MYRFL: variants seen among roughly 807,000 people sequenced by gnomAD.
MYRFL encodes myelin regulatory factor like, also known as myelin regulatory factor-like protein.
In MYRFL, 88 loss-of-function variants were observed where a neutral mutation model predicts 109.4. That is an observed-to-expected ratio of 0.80 (90% confidence interval 0.68 to 0.96). The LOEUF is 0.96. MYRFL is among the 40% of genes least tolerant of loss of function. The probability of loss-of-function intolerance (pLI) is 0.00; values close to 1 mark genes in which losing one functional copy is unlikely to be tolerated. For synonymous variants in MYRFL, 324 were observed against 320.9 expected, an observed-to-expected ratio of 1.01 and a Z score of -0.10; for missense variants, 957 against 954.9, an observed-to-expected ratio of 1.00 and a Z score of -0.03.
At chr12:69,839,782 T>G (rs1031761133) in intron 1 of MYRFL, among the ~76,000 whole-genome samples, 1 of 152,208 alleles carries the variant, frequency 6.6e-6, no homozygotes, top group African/African-American at 2.4e-5. Context: ...ATCAATCTTC[T>G]CCATTGACTG....
chr12:69,849,268 G>A (rs1171835542), intron 1 of MYRFL, among the ~76,000 whole-genome samples: 1 of 152,208 alleles, frequency 6.6e-6, no homozygotes, highest in Non-Finnish European at 1.5e-5. Context: ...CATTGGAATT[G>A]ATGTTGAATG....
rs1423825564 is a variant in MYRFL at position 69,939,143 on chromosome 12, T to G, written c.2224+2511T>G. Among the ~76,000 whole-genome samples the G allele has an allele frequency of 5.9e-5, 9 of 152,288 alleles. No homozygotes were observed. In the South Asian group the frequency reaches 1.9e-3, roughly 32 times the overall value. ...GGCGCCCACCATTGCCCAGGCTTGC[T>G]TAGGTAAACAAAGCAACCAGGAAGC... is the stretch of plus-strand genomic sequence containing the variant. On this transcript the variant is annotated intron_variant, in intron 19 of 24. Transcript: ENST00000552032.
chr12:69,951,910 A>C (rs1454872310), intron 19 of MYRFL, among the ~76,000 whole-genome samples: 1 of 152,234 alleles, frequency 6.6e-6, no homozygotes, highest in East Asian at 1.9e-4. Context: ...GACCCAATTT[A>C]GTCCATAACA....
At chr12:69,857,287 A>G (rs562962071) in intron 2 of MYRFL, among the ~76,000 whole-genome samples, 1 of 152,024 alleles carries the variant, frequency 6.6e-6, no homozygotes, top group Non-Finnish European at 1.5e-5. Flanking sequence ...TTATTACTGT[A>G]CACAGGCACT....
At chr12:69,858,360 C>T (rs957663519) in intron 2 of MYRFL, among the ~76,000 whole-genome samples, 1 of 151,836 alleles carries the variant, frequency 6.6e-6, no homozygotes, top group Non-Finnish European at 1.5e-5. Flanking sequence ...CAACTATACC[C>T]TTCTAAAATT....
intron 2 of MYRFL, among the ~76,000 whole-genome samples, chr12:69,863,649 A>T (rs1884835150): frequency 6.6e-6 from 1 of 152,212 alleles, no homozygotes; most frequent in African/African-American, 2.4e-5. Flanking sequence ...ACAATGCTAT[A>T]ATCTTTGGTT....
Position 69,854,999 on chromosome 12 carries a change from T to C in MYRFL, c.47-281T>C, listed in dbSNP as rs185183818. ...AAACAAGGAAAAGGACAGAACTATT[T>C]TGCTACCTTTTGGCAGGTCTAAAGA... On this transcript the variant is annotated intron_variant, in intron 1 of 24. Transcript: ENST00000552032. Among the ~76,000 whole-genome samples the C allele has an allele frequency of 1.5e-4, 23 of 152,334 alleles. No individual in the cohort carries two copies. In the East Asian group the frequency reaches 3.5e-3, roughly 23 times the overall value.
chr12:69,945,778 G>C (rs892313975), intron 19 of MYRFL, among the ~76,000 whole-genome samples: 1 of 151,464 alleles, frequency 6.6e-6, no homozygotes, highest in African/African-American at 2.4e-5. Context: ...ACGAGGTCAG[G>C]AGATCGAGAC....
intron 15 of MYRFL, among the ~76,000 whole-genome samples, chr12:69,931,252 T>C (rs1955261585): frequency 6.6e-6 from 1 of 152,112 alleles, no homozygotes; most frequent in African/African-American, 2.4e-5. Context: ...CTAATCCTAT[T>C]TAATTCCAGT....
At chr12:69,899,278 A>C (rs1277584078) in intron 10 of MYRFL, among the ~76,000 whole-genome samples, 2 of 152,242 alleles carry the variant, frequency 1.3e-5, no homozygotes, top group Non-Finnish European at 2.9e-5. Context: ...CAGAAGTGAA[A>C]ATGAATGCAG....
chr12:69,949,481 A>G (rs1310542687), intron 19 of MYRFL, among the ~76,000 whole-genome samples: 1 of 152,114 alleles, frequency 6.6e-6, no homozygotes, highest in Admixed American at 6.5e-5. Context: ...CTGGCCCCAC[A>G]CCAGCAGCCT....
chr12:69,917,362 A>G (rs967957350), intron 13 of MYRFL, among the ~76,000 whole-genome samples: 3 of 144,814 alleles, frequency 2.1e-5, no homozygotes, highest in African/African-American at 7.7e-5. Context: ...CCTAACTGAA[A>G]TCATCTTGTT....
rs1418175004 is a variant in MYRFL, at chr12:69,933,808, C to T, written c.1916+1210C>T. On this transcript the variant is annotated intron_variant, in intron 16 of 24. Coordinates refer to ENST00000552032, the MANE Select transcript of MYRFL (RefSeq NM_182530.3). ...TCTCTAGAGACACAGATTCCCAGCC[C>T]GGTGGAAAAGTTATAAGAAGTCTAA... is the stretch of plus-strand genomic sequence containing the variant. Among the ~76,000 whole-genome samples, 8 of 151,620 alleles carry T rather than the reference C, an allele frequency of 5.3e-5. 1 individual carries two copies. The highest frequency in any genetic ancestry group is 3.9e-4 in the Admixed American group (6 of 15,204).
At chr12:69,926,861 C>T (rs1051943985) in intron 14 of MYRFL, 127 bp downstream of exon 14, 10 of 804,528 alleles carry the variant, frequency 1.2e-5, no homozygotes, top group African/African-American at 1.8e-5. Context: ...ATGAAGTCTG[C>T]ATTTTTCTTT....
intron 2 of MYRFL, 25 bp from the exon 3 acceptor site, chr12:69,879,003 C>G: frequency 1.4e-6 from 1 of 702,784 alleles, no homozygotes; most frequent in Non-Finnish European, 2.6e-6. Flanking sequence ...GAAACAAAAA[C>G]GCAATGTATG....
At chr12:69,924,203 A>G (rs1392005988) in intron 13 of MYRFL, among the ~76,000 whole-genome samples, 2 of 151,994 alleles carry the variant, frequency 1.3e-5, no homozygotes, top group Non-Finnish European at 2.9e-5. Context: ...AAAAAAAAAA[A>G]AAAAAAAAAA....
intron 13 of MYRFL, among the ~76,000 whole-genome samples, chr12:69,920,064 G>C (rs1285413798): frequency 6.6e-6 from 1 of 152,170 alleles, no homozygotes; most frequent in African/African-American, 2.4e-5. Flanking sequence ...GGACCCAGGA[G>C]CTTCCAAGCT....
chr12:69,848,515 G>A (rs552456732), intron 1 of MYRFL, among the ~76,000 whole-genome samples: 6 of 151,886 alleles, frequency 4.0e-5, no homozygotes, highest in Admixed American at 6.5e-5. Context: ...TATTATAAAT[G>A]GATCTTTCTG....
rs745396891 is a variant in MYRFL at position 69,952,130 on chromosome 12, G to A, written c.2242G>A (p.Val748Ile). The change falls in exon 20 of 25, where the codon GTT becomes ATT. Residue 748 changes from valine (V) to isoleucine (I), a missense_variant. Coordinates refer to ENST00000552032, the MANE Select transcript of MYRFL (RefSeq NM_182530.3). ...RRWSEDKSKS[V>I]LARNALSGPD... ...CTTTTCAGAAGACAAAAGCAAATCA[G>A]TTTTGGCAAGAAATGCACTCAGCGG... 1.3e-6 allele frequency: 2 copies of A among 1,536,090 alleles called. No individual in the cohort carries two copies. Among genetic ancestry groups the A allele is most frequent in the South Asian group, 2.4e-5 (2 of 84,050 alleles).
Sources: gnomAD v4.1 joint callset for allele counts (sites outside exome capture counted in the v4.1 genomes callset) on GRCh38, gnomAD v4.1.1 for gene constraint, MANE v1.5 for transcripts, NCBI Gene and HGNC (gene_info 2026-07-23, HGNC 2026-07-21) for gene names.